EPC2: variants seen among roughly 807,000 people sequenced by gnomAD.
The protein encoded by EPC2 is enhancer of polycomb 2.
In EPC2, 14 loss-of-function variants were observed where a neutral mutation model predicts 92.1. The ratio of observed to expected loss-of-function variants is 0.15; its 90% CI spans 0.10 to 0.24. The LOEUF is 0.24. Ranked by LOEUF, EPC2 falls within the 10% of genes least tolerant of loss-of-function variation. The pLI is 1.00. For missense variants in EPC2, 755 were observed against 971.5 expected (o/e 0.78, Z 2.96); for synonymous variants, 340 against 334.7 (o/e 1.02, Z -0.17).
In EPC2 at chr2:148,784,943, G is replaced by C; in HGVS notation, c.2293G>C (p.Ala765Pro). 1 of 1,570,222 alleles carries C rather than the reference G, an allele frequency of 6.4e-7. No individual in the cohort carries two copies. Among genetic ancestry groups the C allele is most frequent in the Non-Finnish European group, 8.6e-7 (1 of 1,156,892 alleles). Residue 765 changes from alanine (A) to proline (P), a missense_variant, in exon 13 of 14, where the codon GCC (alanine) becomes CCC (proline). Ala to Pro is a conservative substitution (Grantham distance 27). Coordinates refer to ENST00000258484, the MANE Select transcript of EPC2 (RefSeq NM_015630.4). ...PTALKLATVA[A>P]SMDRVPKVTP... is the part of the protein sequence containing the mutation. ...AGCCTTAAAACTTGCCACAGTTGCT[G>C]CCAGTATGGACAGAGTGCCAAAGGT...
At chr2:148,676,540 A>C (rs1049389291) in intron 1 of EPC2, among the ~76,000 whole-genome samples, 1 of 152,098 alleles carries the variant, frequency 6.6e-6, no homozygotes, top group African/African-American at 2.4e-5. Flanking sequence ...ACAATCACTT[A>C]ATTAGTTAGC....
At chr2:148,691,472 A>G (rs1377671637) in intron 2 of EPC2, 1 of 1,523,422 alleles carries the variant, frequency 6.6e-7, no homozygotes, top group African/African-American at 1.4e-5. Context: ...AAACATCACC[A>G]GCTTTAAGAC....
In EPC2 at chr2:148,644,977, C is replaced by G; in HGVS notation, c.-41C>G. On this transcript the variant is annotated 5_prime_UTR_variant, in exon 1 of 14. Coordinates refer to ENST00000258484, the MANE Select transcript of EPC2 (RefSeq NM_015630.4). ...GTCCTCCCCCCCTCCCCGCCCGCCC[C>G]GCCGCCGCCGCCCGGGCTGTTCCTG... is the stretch of plus-strand genomic sequence containing the variant. 2.7e-6 allele frequency: 4 copies of G among 1,506,486 alleles called. No homozygotes were observed. Among genetic ancestry groups the G allele is most frequent in the Non-Finnish European group, 3.6e-6 (4 of 1,118,396 alleles). 93.3% of individuals were successfully genotyped at this position (1,506,486 alleles called of 1,614,324 possible). A position where few individuals can be genotyped will look rare whatever the true frequency, so the allele number is the denominator to read the frequency against.
Position 148,782,692 on chromosome 2 carries a change from C to T in EPC2, c.1858-905C>T, listed in dbSNP as rs60162581. Among the ~76,000 whole-genome samples, 1,517 of 152,222 alleles carry T rather than the reference C, an allele frequency of 1.0e-2. 24 individuals are homozygous for T. Among genetic ancestry groups the T allele is most frequent in the African/African-American group, 0.034 (1,422 of 41,524 alleles). ...AATTGCCAGAAGGAACCAGCCCTGC[C>T]AACACCTTGATTTTAACCCCATAAG... On this transcript the variant is annotated intron_variant, in intron 11 of 13. Coordinates refer to ENST00000258484, the MANE Select transcript of EPC2 (RefSeq NM_015630.4).
At chr2:148,785,292 G>A (rs930220487) in intron 13 of EPC2, among the ~76,000 whole-genome samples, 13 of 152,102 alleles carry the variant, frequency 8.5e-5, no homozygotes, top group Admixed American at 7.2e-4. Flanking sequence ...AAACACATCA[G>A]AGTCTATGTT....
chr2:148,764,058 C>T (rs1683360915), intron 6 of EPC2, among the ~76,000 whole-genome samples: 1 of 152,052 alleles, frequency 6.6e-6, no homozygotes, highest in South Asian at 2.1e-4. Flanking sequence ...TGGGAAGTTT[C>T]TGAAAGTTGG....
chr2:148,687,283 C>A (rs1241305079), intron 1 of EPC2, among the ~76,000 whole-genome samples: 1 of 152,220 alleles, frequency 6.6e-6, no homozygotes, highest in South Asian at 2.1e-4. Flanking sequence ...CTGGATTAGG[C>A]TTTGGCTTAC....
intron 3 of EPC2, among the ~76,000 whole-genome samples, chr2:148,747,920 A>T (rs997965580): frequency 1.3e-5 from 2 of 151,618 alleles, no homozygotes; most frequent in African/African-American, 4.8e-5. Context: ...ACATCTCCAG[A>T]CCTCCTTTGC....
At chr2:148,736,082 A>G (rs1343063908) in intron 2 of EPC2, among the ~76,000 whole-genome samples, 5 of 152,100 alleles carry the variant, frequency 3.3e-5, no homozygotes, top group Admixed American at 6.5e-5. Flanking sequence ...TTATTTTGTA[A>G]CCCCTAATGA....
chr2:148,660,321 A>AG (rs1680906385), intron 1 of EPC2, among the ~76,000 whole-genome samples: 1 of 152,180 alleles, frequency 6.6e-6, no homozygotes, highest in Admixed American at 6.5e-5. Flanking sequence ...TATTCACTGT[A>AG]GCCTGAGACA....
At chr2:148,764,801 A>G (rs755721672) in intron 6 of EPC2, among the ~76,000 whole-genome samples, 154 bp from the exon 7 acceptor site, 14 of 152,348 alleles carry the variant, frequency 9.2e-5, no homozygotes, top group African/African-American at 2.2e-4. Context: ...AACATGTTTC[A>G]ATTTATGAAC....
chr2:148,661,769 T>C (rs1296935918), intron 1 of EPC2, among the ~76,000 whole-genome samples: 1 of 152,152 alleles, frequency 6.6e-6, no homozygotes, highest in Non-Finnish European at 1.5e-5. Context: ...TTGAATATTC[T>C]CAAATTTTTT....
rs1255258566 is a variant in EPC2, at chr2:148,781,774, A to C, written c.1851A>C (p.Lys617Asn). 1 of 1,613,694 alleles carries C rather than the reference A, an allele frequency of 6.2e-7. No homozygotes were observed. Among genetic ancestry groups the C allele is most frequent in the African/African-American group, 1.3e-5 (1 of 74,908 alleles). ...SQHSSQQTHP[K>N]AQGSSTSDCM... Reference sequence around the variant, plus strand: ...ATTCCTCGCAACAGACACATCCAAAAGCACAGGTAAACTGCTCTTTTCGTC... The same window carrying C: ...ATTCCTCGCAACAGACACATCCAAACGCACAGGTAAACTGCTCTTTTCGTC... The change falls in exon 11 of 14, where the codon AAA (lysine) becomes AAC (asparagine). Residue 617 changes from lysine (K) to asparagine (N), a missense_variant. Lys to Asn is a moderately conservative substitution (Grantham distance 94). Coordinates refer to ENST00000258484, the MANE Select transcript of EPC2 (RefSeq NM_015630.4).
chr2:148,737,573 C>T (rs1430427507), intron 2 of EPC2, among the ~76,000 whole-genome samples: 1 of 152,078 alleles, frequency 6.6e-6, no homozygotes, highest in African/African-American at 2.4e-5. Context: ...CTCAGCGTGC[C>T]TAGTGCTTCA....
intron 2 of EPC2, among the ~76,000 whole-genome samples, chr2:148,714,091 C>T (rs952369693): frequency 2.5e-5 from 3 of 122,388 alleles, no homozygotes; most frequent in Non-Finnish European, 4.9e-5. Flanking sequence ...CAGTGTGGGT[C>T]GTTCCCCCCA....
At chr2:148,755,383 A>G (rs1683166731) in intron 4 of EPC2, among the ~76,000 whole-genome samples, 1 of 152,184 alleles carries the variant, frequency 6.6e-6, no homozygotes, top group Non-Finnish European at 1.5e-5. Context: ...ATCATTAAAA[A>G]AAAACCCTGA....
intron 2 of EPC2, among the ~76,000 whole-genome samples, chr2:148,710,260 A>C (rs543772536): frequency 3.9e-5 from 6 of 152,274 alleles, no homozygotes; most frequent in Non-Finnish European, 8.8e-5. Context: ...GCTCATCATC[A>C]CTGGTCATCA....
At position 148,771,123 on chromosome 2, in the gene EPC2, A is replaced by G; in HGVS notation, c.1456A>G (p.Ser486Gly). The G allele has an allele frequency of 1.2e-6, 2 of 1,613,774 alleles. No homozygotes were observed. The highest frequency in any genetic ancestry group is 2.2e-5 in the South Asian group (2 of 91,044). Residue 486 changes from serine (S) to glycine (G), a missense_variant, in exon 10 of 14, where the codon AGC (serine) becomes GGC (glycine). Ser to Gly is a moderately conservative substitution (Grantham distance 56). Transcript: ENST00000258484. ...CCCTGAAATGCTGAATAGTTTTTCA[A>G]GCTCTTCCCAAACTATAGACTTTTC... ...IDPEMLNSFS[S>G]SSQTIDFSSN...
At chr2:148,782,616 C>A (rs1683776792) in intron 11 of EPC2, among the ~76,000 whole-genome samples, 1 of 151,960 alleles carries the variant, frequency 6.6e-6, no homozygotes, top group South Asian at 2.1e-4. Context: ...TTTGTAGACA[C>A]CACTAAATAA....
Sources: gnomAD v4.1 joint callset for allele counts (sites outside exome capture counted in the v4.1 genomes callset) on GRCh38, gnomAD v4.1.1 for gene constraint, MANE v1.5 for transcripts, NCBI Gene and HGNC (gene_info 2026-07-23, HGNC 2026-07-21) for gene names.